Variants in EVI5 observed in about 807,000 individuals in gnomAD.
EVI5 encodes ecotropic viral integration site 5.
In EVI5, 73 loss-of-function variants were observed where a neutral mutation model predicts 112.0. The ratio of observed to expected loss-of-function variants is 0.65; its 90% confidence interval spans 0.54 to 0.79. The LOEUF (loss-of-function observed/expected upper bound fraction) is 0.79, where lower values mean the gene tolerates loss of function less well. Among genes scored for constraint, EVI5 ranks in the 30% least tolerant of loss-of-function variants. The probability of loss-of-function intolerance (pLI) is 0.00; values close to 1 mark genes in which losing one functional copy is unlikely to be tolerated. For synonymous variants in EVI5, 305 were observed against 319.9 expected (o/e 0.95, Z 0.50); for missense variants, 900 against 968.8 (o/e 0.93, Z 0.94).
Position 92,585,950 on chromosome 1 carries a change from C to G in EVI5, c.2070+19357G>C, listed in dbSNP as rs1004216723. Among the ~76,000 whole-genome samples, 6 of 151,468 alleles carry G rather than the reference C, an allele frequency of 4.0e-5. 1 individual carries two copies. The highest frequency in any genetic ancestry group is 7.4e-5 in the Non-Finnish European group (5 of 67,904). On this transcript the variant is annotated intron_variant, in intron 18 of 19. Transcript: ENST00000684568. ...CTTTTGGCTGTGACAGCTTCTTAGA[C>G]TTTGCTTGTTTTTGATGATCTTGTC...
chr1:92,653,443 C>G (rs185547721), intron 13 of EVI5, among the ~76,000 whole-genome samples: 85 of 152,362 alleles, frequency 5.6e-4, no homozygotes, highest in Middle Eastern at 3.4e-3. Context: ...AAGATGTGGG[C>G]ACTGTGCTTG....
chr1:92,562,474 G>A (rs556377914), intron 19 of EVI5, among the ~76,000 whole-genome samples: 1 of 152,202 alleles, frequency 6.6e-6, no homozygotes, highest in East Asian at 1.9e-4. Flanking sequence ...AGCTTGCAGT[G>A]AGCAGAGATT....
At chr1:92,770,607 A>C (rs61800547) in intron 1 of EVI5, among the ~76,000 whole-genome samples, 1 of 151,592 alleles carries the variant, frequency 6.6e-6, no homozygotes, top group Admixed American at 6.6e-5. Flanking sequence ...TGGCTAACAC[A>C]GTGAAACCCT....
intron 19 of EVI5, among the ~76,000 whole-genome samples, chr1:92,523,489 T>C (rs1661311292): frequency 1.3e-5 from 2 of 152,182 alleles, no homozygotes; most frequent in Admixed American, 6.5e-5. Context: ...TCAGATTATT[T>C]TATCTTCAAA....
chr1:92,745,734 A>G (rs1679164363), intron 1 of EVI5, among the ~76,000 whole-genome samples: 1 of 152,130 alleles, frequency 6.6e-6, no homozygotes, highest in Non-Finnish European at 1.5e-5. Context: ...TGAGCCCAGG[A>G]GCATAAAGCT....
chr1:92,586,461 T>C (rs1257576637), intron 18 of EVI5, among the ~76,000 whole-genome samples: 1 of 152,196 alleles, frequency 6.6e-6, no homozygotes, highest in African/African-American at 2.4e-5. Context: ...GTTATTATAC[T>C]TTGGCTTGTG....
intron 1 of EVI5, among the ~76,000 whole-genome samples, chr1:92,745,501 C>A (rs1430846809): frequency 6.6e-6 from 1 of 152,192 alleles, no homozygotes; most frequent in Non-Finnish European, 1.5e-5. Context: ...AGATGTACTA[C>A]TGCCTCTCAG....
intron 9 of EVI5, among the ~76,000 whole-genome samples, chr1:92,684,641 C>T (rs1358860411): frequency 6.6e-6 from 1 of 152,012 alleles, no homozygotes; most frequent in East Asian, 1.9e-4. Context: ...CATCAGTGTG[C>T]TGTATTCAGG....
At chr1:92,600,608 C>A (rs1388293853) in intron 18 of EVI5, among the ~76,000 whole-genome samples, 1 of 152,162 alleles carries the variant, frequency 6.6e-6, no homozygotes, top group Non-Finnish European at 1.5e-5. Context: ...TCAGGATGAA[C>A]TGTTCCACCT....
chr1:92,705,955 A>G (rs1671889721), intron 2 of EVI5, among the ~76,000 whole-genome samples: 1 of 152,226 alleles, frequency 6.6e-6, no homozygotes, highest in Non-Finnish European at 1.5e-5. Flanking sequence ...AGCTCAATGC[A>G]AAGTATATTA....
At chr1:92,659,486 A>G (rs1182311618) in intron 13 of EVI5, among the ~76,000 whole-genome samples, 1 of 152,162 alleles carries the variant, frequency 6.6e-6, no homozygotes, top group Non-Finnish European at 1.5e-5. Flanking sequence ...GCTAACAAAC[A>G]TATGAAAAAA....
At chr1:92,696,969 G>A (rs1670427586) in intron 6 of EVI5, among the ~76,000 whole-genome samples, 1 of 152,172 alleles carries the variant, frequency 6.6e-6, no homozygotes, top group Non-Finnish European at 1.5e-5. Flanking sequence ...GAACCCAGGA[G>A]GCGGAGCTTG....
intron 2 of EVI5, chr1:92,733,275 T>C (rs1676789619): frequency 5.5e-6 from 1 of 182,060 alleles, no homozygotes; most frequent in South Asian, 1.2e-4. Context: ...ATTCAAGGAT[T>C]CGGGCCAGAA....
intron 16 of EVI5, among the ~76,000 whole-genome samples, chr1:92,608,404 C>T (rs954393267): frequency 6.6e-6 from 1 of 152,026 alleles, no homozygotes; most frequent in African/African-American, 2.4e-5. Flanking sequence ...AAAGCACAAA[C>T]CAGTCAAAAG....
intron 19 of EVI5, among the ~76,000 whole-genome samples, chr1:92,552,038 C>A (rs895536174): frequency 6.6e-6 from 1 of 150,658 alleles, no homozygotes; most frequent in South Asian, 2.1e-4. Context: ...TAGCTCTACC[C>A]ATGTGATGTA....
intron 19 of EVI5, among the ~76,000 whole-genome samples, chr1:92,529,836 A>G (rs1301806999): frequency 6.6e-6 from 1 of 152,216 alleles, no homozygotes; most frequent in African/African-American, 2.4e-5. Flanking sequence ...AATAATGTTT[A>G]TAGTATTTAA....
chr1:92,669,412 G>T (rs1322449279), intron 10 of EVI5, among the ~76,000 whole-genome samples: 1 of 151,904 alleles, frequency 6.6e-6, no homozygotes, highest in Non-Finnish European at 1.5e-5. Flanking sequence ...GCCTGGCATG[G>T]TGGCGCATGC....
intron 18 of EVI5, among the ~76,000 whole-genome samples, chr1:92,590,619 G>C (rs149820504): frequency 6.6e-6 from 1 of 152,338 alleles, no homozygotes; most frequent in East Asian, 1.9e-4. Context: ...TATGTGAAAA[G>C]ACCAAATCTA....
At chr1:92,775,765 G>C (rs1684036992) in intron 1 of EVI5, among the ~76,000 whole-genome samples, 1 of 152,200 alleles carries the variant, frequency 6.6e-6, no homozygotes, top group Non-Finnish European at 1.5e-5. Flanking sequence ...GGCCAATGGG[G>C]ATTTTGTGCA....
Sources: gnomAD v4.1 joint callset for allele counts (sites outside exome capture counted in the v4.1 genomes callset) on GRCh38, gnomAD v4.1.1 for gene constraint, MANE v1.5 for transcripts, NCBI Gene and HGNC (gene_info 2026-07-23, HGNC 2026-07-21) for gene names.